The following SLC5A4 variants were observed in gnomAD, a reference collection of about 807,000 sequenced individuals.
The protein encoded by SLC5A4 is solute carrier family 5 member 4.
A neutral mutation model predicts 70.3 loss-of-function variants in SLC5A4; 55 were observed. The ratio of observed to expected loss-of-function variants is 0.78; its 90% CI spans 0.63 to 0.98. The LOEUF (loss-of-function observed/expected upper bound fraction) is 0.98. SLC5A4 is among the 50% of genes least tolerant of loss of function. The pLI is 0.00. For missense variants in SLC5A4, 735 were observed against 839.2 expected (o/e 0.88, Z 1.53); for synonymous variants, 268 against 305.7 (o/e 0.88, Z 1.29).
chr22:32,330,491 T>G, the SLC5A4 span, among the ~76,000 whole-genome samples: 1 of 126,208 alleles, frequency 7.9e-6, no homozygotes, highest in Non-Finnish European at 1.7e-5. Flanking sequence ...CCACTGTGTG[T>G]TGGCTCTGGT....
intron 8 of SLC5A4, 44 bp downstream of exon 8, chr22:32,234,829 G>C (rs1372055171): frequency 7.7e-6 from 9 of 1,165,214 alleles, no homozygotes; most frequent in Non-Finnish European, 1.1e-5. Flanking sequence ...CAGACACACA[G>C]ACAGACAGAC....
intron 11 of SLC5A4, among the ~76,000 whole-genome samples, chr22:32,228,829 G>C (rs956192441): frequency 6.6e-6 from 1 of 152,068 alleles, no homozygotes; most frequent in African/African-American, 2.4e-5. Flanking sequence ...ACCTCCATGT[G>C]ATATACATGG....
chr22:32,241,726 C>G (rs767870364), intron 5 of SLC5A4, among the ~76,000 whole-genome samples: 3 of 151,118 alleles, frequency 2.0e-5, no homozygotes, highest in Non-Finnish European at 4.4e-5. Flanking sequence ...ATTTCTGAAA[C>G]CATTTTTGAT....
chr22:32,307,074 C>T, the SLC5A4 span, among the ~76,000 whole-genome samples: 3 of 152,222 alleles, frequency 2.0e-5, no homozygotes, highest in African/African-American at 7.2e-5. Flanking sequence ...TGTACCAACC[C>T]AAGGGTAACC....
upstream of SLC5A4, among the ~76,000 whole-genome samples, chr22:32,257,222 T>G (rs1175745457): frequency 6.6e-6 from 1 of 152,240 alleles, no homozygotes; most frequent in Non-Finnish European, 1.5e-5. Context: ...GAGAGATATA[T>G]TCAACTTCTT....
the SLC5A4 span, among the ~76,000 whole-genome samples, chr22:32,317,163 TTAAA>T: frequency 2.0e-5 from 3 of 151,446 alleles, no homozygotes; most frequent in East Asian, 1.9e-4. Flanking sequence ...CTATAAACAC[TTAAA>T]TAAACTTGAG....
At chr22:32,233,509 A>C (rs1925881807) in intron 8 of SLC5A4, among the ~76,000 whole-genome samples, 1 of 152,136 alleles carries the variant, frequency 6.6e-6, no homozygotes, top group Non-Finnish European at 1.5e-5. Context: ...AGGAGAAATA[A>C]CCGGAGTAGG....
the SLC5A4 span, among the ~76,000 whole-genome samples, chr22:32,300,749 T>C: frequency 0.48 from 72,442 of 151,636 alleles, 17,415 homozygotes; most frequent in Admixed American, 0.51. Context: ...TTTTTATTGT[T>C]GCATAGTATT....
upstream of SLC5A4, among the ~76,000 whole-genome samples, chr22:32,259,936 G>C (rs1242643988): frequency 1.3e-5 from 2 of 152,222 alleles, no homozygotes; most frequent in Non-Finnish European, 2.9e-5. Context: ...TGGGATGATT[G>C]TGGGTACAAG....
At chr22:32,286,315 G>C in the SLC5A4 span, among the ~76,000 whole-genome samples, 2,091 of 152,266 alleles carry the variant, frequency 0.014, 50 homozygotes, top group African/African-American at 0.048. Flanking sequence ...GTTTTAGGAA[G>C]GCAGTGTACA....
At chr22:32,351,605 G>A in the SLC5A4 span, among the ~76,000 whole-genome samples, 1 of 149,644 alleles carries the variant, frequency 6.7e-6, no homozygotes, top group Non-Finnish European at 1.5e-5. Context: ...AAGAGGCTGA[G>A]GCAGGAGAAT....
chr22:32,331,410 G>A, the SLC5A4 span, among the ~76,000 whole-genome samples: 11 of 152,208 alleles, frequency 7.2e-5, no homozygotes, highest in African/African-American at 2.7e-4. Context: ...AAACTCCCTC[G>A]CGCCCCAGTC....
chr22:32,272,078 G>C, the SLC5A4 span: 1 of 649,268 alleles, frequency 1.5e-6, no homozygotes, highest in Non-Finnish European at 2.8e-6. Flanking sequence ...GGATTGAGCT[G>C]CAGAAGTGGG....
chr22:32,290,639 C>G, the SLC5A4 span, among the ~76,000 whole-genome samples: 2 of 152,084 alleles, frequency 1.3e-5, no homozygotes, highest in Admixed American at 1.3e-4. Flanking sequence ...AAATTTATTT[C>G]TCACAGTTCT....
intron 14 of SLC5A4, 21 bp from the exon 15 acceptor site, chr22:32,218,746 T>G: frequency 1.9e-6 from 3 of 1,575,352 alleles, no homozygotes; most frequent in Non-Finnish European, 2.6e-6. Context: ...GATAAGCAAA[T>G]GATTGCAGAA....
the SLC5A4 span, among the ~76,000 whole-genome samples, chr22:32,323,006 G>GT: frequency 6.6e-6 from 1 of 152,062 alleles, no homozygotes; most frequent in Non-Finnish European, 1.5e-5. Flanking sequence ...GAATGCAATT[G>GT]TAACATTTAC....
At chr22:32,344,496 A>T in the SLC5A4 span, among the ~76,000 whole-genome samples, 2 of 152,184 alleles carry the variant, frequency 1.3e-5, no homozygotes, top group East Asian at 3.8e-4. Context: ...ATTGCATCTA[A>T]GTAACTGTCT....
the SLC5A4 span, among the ~76,000 whole-genome samples, chr22:32,280,820 G>A: frequency 6.6e-6 from 1 of 152,154 alleles, no homozygotes; most frequent in Non-Finnish European, 1.5e-5. Flanking sequence ...GATGACACTC[G>A]GAGGGTGCAT....
In SLC5A4 at chr22:32,241,803, G is replaced by GTA. The variant is rs71720550; in HGVS notation, c.478-2715_478-2714dup. Among the ~76,000 whole-genome samples, 1,449 of 148,000 alleles carry GTA rather than the reference G, an allele frequency of 9.8e-3. 11 individuals carry two copies. The highest frequency in any genetic ancestry group is 0.012 in the African/African-American group (479 of 39,316). ...TGTGTGTGTGTGTGTGTGTGTGTGT[G>GTA]TATATATATCTGTATGTGTGTGTGT... On this transcript the variant is annotated intron_variant, in intron 5 of 14. Transcript: ENST00000266086.
Sources: allele counts gnomAD v4.1 joint callset (sites outside exome capture counted in the v4.1 genomes callset), GRCh38; gene constraint gnomAD v4.1.1; transcripts MANE v1.5; gene names NCBI Gene and HGNC (gene_info 2026-07-23, HGNC 2026-07-21).